The following HMGXB3 variants were observed in gnomAD, a reference collection of about 807,000 sequenced individuals.
HMGXB3 encodes the protein HMG-box containing 3, also known as HMG domain-containing protein 3.
A neutral mutation model predicts 121.5 loss-of-function variants in HMGXB3; 45 were observed. The ratio of observed to expected loss-of-function variants is 0.37; its 90% confidence interval spans 0.29 to 0.47. HMGXB3 has a LOEUF of 0.47. Ranked by LOEUF, HMGXB3 falls within the 20% of genes least tolerant of loss-of-function variation. HMGXB3 has a pLI of 0.99. For missense variants in HMGXB3, 1,376 were observed against 1,602.2 expected, an observed-to-expected ratio of 0.86 and a Z score of 2.41; for synonymous variants, 590 against 624.1, an observed-to-expected ratio of 0.95 and a Z score of 0.81.
At chr5:150,025,920 T>A (rs1756218810) in intron 7 of HMGXB3, among the ~76,000 whole-genome samples, 1 of 151,824 alleles carries the variant, frequency 6.6e-6, no homozygotes, top group Non-Finnish European at 1.5e-5. Context: ...AAGCTCCGCC[T>A]CCCGGGTCCA....
At chr5:150,035,977 A>C (rs1224111971) in intron 11 of HMGXB3, among the ~76,000 whole-genome samples, 1 of 152,176 alleles carries the variant, frequency 6.6e-6, no homozygotes, top group Non-Finnish European at 1.5e-5. Flanking sequence ...TTTACTTATA[A>C]TATCTTACTT....
At chr5:150,049,933 C>T (rs1256659670) in intron 18 of HMGXB3, among the ~76,000 whole-genome samples, 1 of 152,222 alleles carries the variant, frequency 6.6e-6, no homozygotes, top group Non-Finnish European at 1.5e-5. Context: ...GCTGCTGCTG[C>T]TGCTATGTAG....
At chr5:150,002,426 G>A (rs1377154523) in intron 1 of HMGXB3, among the ~76,000 whole-genome samples, 1 of 152,170 alleles carries the variant, frequency 6.6e-6, no homozygotes. Flanking sequence ...CACATGCAGT[G>A]CTCATTATAC....
chr5:150,010,425 C>A lies in HMGXB3; in HGVS notation c.627C>A (p.Ile209=). ...GAVQEIATSE[I]LSQDVLLEDA... ...TACAGGAGATTGCCACCTCAGAGAT[C>A]CTCAGCCAGGATGTGCTCCTAGAGG... Residue 209 remains isoleucine (I), a synonymous_variant, in exon 4 of 20, where the codon ATC becomes ATA. Transcript: ENST00000502717. The A allele has an allele frequency of 6.4e-7, 1 of 1,551,622 alleles. No homozygotes were observed. Among genetic ancestry groups the A allele is most frequent in the South Asian group, 1.2e-5 (1 of 84,050 alleles).
At chr5:150,005,746 AT>A (rs1755686788) in intron 2 of HMGXB3, among the ~76,000 whole-genome samples, 1 of 152,188 alleles carries the variant, frequency 6.6e-6, no homozygotes, top group Non-Finnish European at 1.5e-5. Context: ...AGCATTGGTC[AT>A]TTTGATTGGT....
chr5:150,052,261 A>G lies in HMGXB3; in HGVS notation c.*69A>G. 2 of 1,270,384 alleles carry G rather than the reference A, an allele frequency of 1.6e-6. No individual in the cohort carries two copies. The allele number at this position is 1,270,384 out of a possible 1,614,324, so 78.7% of individuals were successfully genotyped here. ...TAAGGCCCTTGCCTGAGGCAGAGCT[A>G]TCCAGGGGACCTGCAGAAGTGGTCT... On this transcript the variant is annotated 3_prime_UTR_variant, in exon 20 of 20. Coordinates refer to ENST00000502717, the MANE Select transcript of HMGXB3 (RefSeq NM_014983.3).
At position 150,027,408 on chromosome 5, in the gene HMGXB3, T is replaced by C. The variant is rs1044651326; in HGVS notation, c.1734+291T>C. On this transcript the variant is annotated intron_variant, in intron 9 of 19. Transcript: ENST00000502717. ...TTTACCCATAGTGACCTATTGTTAA[T>C]GTATTAGCCCATTTTGCTTTATCTT... Among the ~76,000 whole-genome samples, 6 of 152,248 alleles carry C rather than the reference T, an allele frequency of 3.9e-5. 1 individual carries two copies. The highest frequency in any genetic ancestry group is 1.4e-4 in the African/African-American group (6 of 41,466).
At chr5:150,045,425 G>A (rs538949016) in intron 15 of HMGXB3, 41 bp from the exon 16 acceptor site, 5 of 1,473,064 alleles carry the variant, frequency 3.4e-6, no homozygotes, top group Non-Finnish European at 4.6e-6. Flanking sequence ...CTGATGTTCT[G>A]TGACTCCCAC....
intron 6 of HMGXB3, chr5:150,021,972 G>A (rs1756105748): frequency 4.6e-6 from 2 of 432,052 alleles, no homozygotes; most frequent in African/African-American, 2.0e-5. Context: ...AGAGAACAGC[G>A]GTGAGTCAGG....
intron 13 of HMGXB3, among the ~76,000 whole-genome samples, chr5:150,038,619 C>A (rs999735056): frequency 5.3e-5 from 8 of 152,224 alleles, no homozygotes; most frequent in African/African-American, 1.9e-4. Flanking sequence ...TCCCTCTCCC[C>A]CAACCTCTGG....
intron 2 of HMGXB3, among the ~76,000 whole-genome samples, chr5:150,005,680 A>T (rs1365439846): frequency 6.6e-6 from 1 of 152,160 alleles, no homozygotes; most frequent in East Asian, 1.9e-4. Flanking sequence ...AGAATATCCA[A>T]ATTGTAGCTC....
rs1049440184 is a variant in HMGXB3 at position 150,001,486 on chromosome 5, A to G, written c.-3+307A>G. Reference sequence around the variant, plus strand: ...GAGATTCCAAGGAGGATCTGATGGGACAGAGAAAGTGTCTCGCATATTTCA... The same window carrying G: ...GAGATTCCAAGGAGGATCTGATGGGGCAGAGAAAGTGTCTCGCATATTTCA... On this transcript the variant is annotated intron_variant, in intron 1 of 19. Coordinates refer to ENST00000502717, the MANE Select transcript of HMGXB3 (RefSeq NM_014983.3). 3.0e-4 allele frequency among the ~76,000 whole-genome samples: 45 copies of G among 152,172 alleles called. 1 individual carries two copies. The highest frequency in any genetic ancestry group is 5.2e-4 in the Admixed American group (8 of 15,278).
At chr5:150,022,986 A>ATTTT (rs56092645) in intron 6 of HMGXB3, among the ~76,000 whole-genome samples, 6 of 100,878 alleles carry the variant, frequency 5.9e-5, no homozygotes, top group Non-Finnish European at 7.6e-5. Context: ...TGCCTGGCTA[A>ATTTT]TTTTTTTTTT....
chr5:150,045,037 G>A (rs1756724114), intron 15 of HMGXB3, among the ~76,000 whole-genome samples: 1 of 152,136 alleles, frequency 6.6e-6, no homozygotes, highest in African/African-American at 2.4e-5. Flanking sequence ...TAAGGGTTTG[G>A]GCTTTGGAAC....
At chr5:150,033,612 G>A (rs1186946675) in intron 11 of HMGXB3, among the ~76,000 whole-genome samples, 1 of 152,146 alleles carries the variant, frequency 6.6e-6, no homozygotes, top group African/African-American at 2.4e-5. Context: ...AAAGCATCTT[G>A]GAACCATGTC....
intron 15 of HMGXB3, 49 bp from the exon 16 acceptor site, chr5:150,045,417 G>A (rs1364637369): frequency 2.1e-6 from 3 of 1,430,712 alleles, no homozygotes; most frequent in African/African-American, 2.8e-5. Context: ...TTGTGTTGCT[G>A]ATGTTCTGTG....
chr5:150,049,233 A>G (rs932027485), intron 18 of HMGXB3, among the ~76,000 whole-genome samples: 9 of 152,212 alleles, frequency 5.9e-5, no homozygotes, highest in Non-Finnish European at 1.5e-5. Flanking sequence ...GCCAGATCAC[A>G]TAGAGCTCTC....
At chr5:150,039,086 A>G (rs1581263119) in intron 13 of HMGXB3, among the ~76,000 whole-genome samples, 2 of 152,236 alleles carry the variant, frequency 1.3e-5, no homozygotes, top group East Asian at 3.8e-4. Flanking sequence ...TTTGCTCTAC[A>G]TGCCAGTACT....
In HMGXB3 at chr5:150,036,804, A is replaced by G; in HGVS notation, c.2152A>G (p.Ser718Gly). 6.4e-7 allele frequency: 1 copy of G among 1,551,734 alleles called. No homozygotes were observed. The highest frequency in any genetic ancestry group is 8.7e-7 in the Non-Finnish European group (1 of 1,147,014). The change falls in exon 12 of 20, where the codon AGC becomes GGC. Residue 718 changes from serine (S) to glycine (G), a missense_variant. By Grantham distance (56) the Ser-to-Gly change is moderately conservative. Transcript: ENST00000502717. ...CTTCGCCTTGATTCATGAACTCAAC[A>G]GCTCTCGACTTATCTTGTCCAACGT... The part of the protein sequence containing the change: ...EVFALIHELN[S>G]SRLILSNVSE...
Sources: allele counts gnomAD v4.1 joint callset (sites outside exome capture counted in the v4.1 genomes callset), GRCh38; gene constraint gnomAD v4.1.1; transcripts MANE v1.5; gene names NCBI Gene and HGNC (gene_info 2026-07-23, HGNC 2026-07-21).